The following CPNE8 variants were observed in gnomAD, a reference collection of about 807,000 sequenced individuals.
The protein encoded by CPNE8 is copine 8, also known as copine-8.
A neutral mutation model predicts 81.5 loss-of-function variants in CPNE8; 45 were observed. The ratio of observed to expected loss-of-function variants is 0.55; its 90% CI spans 0.44 to 0.71. The LOEUF (loss-of-function observed/expected upper bound fraction) is 0.71. CPNE8 is among the 30% of genes least tolerant of loss of function. CPNE8 has a pLI of 0.00. For synonymous variants in CPNE8, 252 were observed against 226.3 expected, an observed-to-expected ratio of 1.11 and a Z score of -1.02; for missense variants, 594 against 672.1, an observed-to-expected ratio of 0.88 and a Z score of 1.28.
At chr12:38,760,298 G>GA (rs1187576862) in intron 10 of CPNE8, among the ~76,000 whole-genome samples, 3 of 151,264 alleles carry the variant, frequency 2.0e-5, no homozygotes, top group Admixed American at 6.6e-5. Flanking sequence ...GCTTAAAAAA[G>GA]AAAAAAATGA....
intron 10 of CPNE8, 34 bp downstream of exon 10, chr12:38,760,813 C>A: frequency 6.5e-7 from 1 of 1,532,994 alleles, no homozygotes; most frequent in Non-Finnish European, 9.0e-7. Context: ...AAAGTACACC[C>A]AGTTCAAGAG....
intron 11 of CPNE8, among the ~76,000 whole-genome samples, chr12:38,725,844 A>C (rs958523635): frequency 6.6e-6 from 1 of 151,798 alleles, no homozygotes; most frequent in Admixed American, 6.6e-5. Context: ...GTGTTAATTT[A>C]GTTGATGTTT....
At chr12:38,732,963 G>A (rs915499465) in intron 10 of CPNE8, among the ~76,000 whole-genome samples, 9 of 152,058 alleles carry the variant, frequency 5.9e-5, no homozygotes, top group South Asian at 2.1e-4. Flanking sequence ...ATCACATATT[G>A]CATTTCAGCC....
At chr12:38,744,933 C>T (rs1248235175) in intron 10 of CPNE8, among the ~76,000 whole-genome samples, 2 of 152,176 alleles carry the variant, frequency 1.3e-5, no homozygotes, top group Non-Finnish European at 2.9e-5. Flanking sequence ...TAATGACCTC[C>T]ATAATCTTGA....
At chr12:38,893,745 T>C (rs1944345756) in intron 1 of CPNE8, among the ~76,000 whole-genome samples, 1 of 152,204 alleles carries the variant, frequency 6.6e-6, no homozygotes, top group Non-Finnish European at 1.5e-5. Flanking sequence ...TTACTTTTTC[T>C]TCACAAACCT....
chr12:38,902,310 A>G (rs1944480206), intron 1 of CPNE8, among the ~76,000 whole-genome samples: 1 of 35,668 alleles, frequency 2.8e-5, no homozygotes, highest in African/African-American at 1.7e-4. Flanking sequence ...GAAGGAAGGA[A>G]GGAAGGAAAG....
intron 19 of CPNE8, among the ~76,000 whole-genome samples, chr12:38,661,458 G>A (rs992820134): frequency 1.3e-5 from 2 of 152,036 alleles, no homozygotes; most frequent in African/African-American, 4.8e-5. Flanking sequence ...GGGCCTGTTG[G>A]GGGTGGGGGA....
chr12:38,792,402 T>C (rs1421003357), intron 6 of CPNE8, among the ~76,000 whole-genome samples: 1 of 149,628 alleles, frequency 6.7e-6, no homozygotes, highest in Non-Finnish European at 1.5e-5. Context: ...GAGGGGACAA[T>C]ACAACTGATG....
chr12:38,896,545 T>C (rs1258086106), intron 1 of CPNE8, among the ~76,000 whole-genome samples: 1 of 152,108 alleles, frequency 6.6e-6, no homozygotes, highest in Non-Finnish European at 1.5e-5. Flanking sequence ...AAAACAGCTG[T>C]CTTAAATATC....
chr12:38,847,937 A>G (rs1051452810), intron 4 of CPNE8, among the ~76,000 whole-genome samples: 2 of 152,074 alleles, frequency 1.3e-5, no homozygotes, highest in Non-Finnish European at 2.9e-5. Flanking sequence ...TTTCCTTTTA[A>G]CCATATCCAG....
chr12:38,794,243 C>T (rs1942400358), intron 6 of CPNE8, among the ~76,000 whole-genome samples: 1 of 151,974 alleles, frequency 6.6e-6, no homozygotes, highest in East Asian at 1.9e-4. Context: ...AAAGGACATG[C>T]TCAACAGGGT....
chr12:38,736,385 G>C (rs1222285243), intron 10 of CPNE8, among the ~76,000 whole-genome samples: 1 of 151,694 alleles, frequency 6.6e-6, no homozygotes. Context: ...CATTTTCTAA[G>C]ATGAAGATAA....
rs35534366 is a variant in CPNE8 at position 38,864,057 on chromosome 12, C to CA, written c.186+8946dup. 7.7e-3 allele frequency among the ~76,000 whole-genome samples: 690 copies of CA among 89,830 alleles called. 1 individual carries two copies. The highest frequency in any genetic ancestry group is 0.016 in the East Asian group (42 of 2,650). 58.9% of individuals were successfully genotyped at this position (89,830 alleles called of 152,430 possible). A position where few individuals can be genotyped will look rare whatever the true frequency, so the allele number is the denominator to read the frequency against. ...CGACAGAGCGAGACTTCATCTCTCA[C>CA]AAAAAAAAAAAAAAAAGAAAAAAGA... On this transcript the variant is annotated intron_variant, in intron 3 of 19. Coordinates refer to ENST00000331366, the MANE Select transcript of CPNE8 (RefSeq NM_153634.3).
intron 7 of CPNE8, among the ~76,000 whole-genome samples, chr12:38,774,384 T>C (rs10876062): frequency 0.054 from 8,284 of 152,214 alleles, 527 homozygotes; most frequent in East Asian, 0.37. Context: ...AAAACATATA[T>C]TATTTGAAAC....
At chr12:38,902,326 AAGAAAG>A (rs1246483694) in intron 1 of CPNE8, among the ~76,000 whole-genome samples, 6 of 67,332 alleles carry the variant, frequency 8.9e-5, no homozygotes, top group Non-Finnish European at 1.3e-4. Flanking sequence ...GAAAGAAAGA[AAGAAAG>A]AAAGAAAGAA....
chr12:38,796,929 G>A (rs572464188), intron 6 of CPNE8, among the ~76,000 whole-genome samples: 3 of 152,318 alleles, frequency 2.0e-5, no homozygotes, highest in Admixed American at 2.0e-4. Flanking sequence ...TACGTCCATG[G>A]AGTCTCGCTG....
upstream of CPNE8, chr12:38,906,629 G>C: frequency 1.0e-6 from 1 of 985,010 alleles, no homozygotes; most frequent in Non-Finnish European, 1.2e-6. Context: ...CGCTGCGTTT[G>C]GGAAACTGCA....
intron 1 of CPNE8, among the ~76,000 whole-genome samples, chr12:38,885,005 A>C (rs758109970): frequency 3.9e-5 from 6 of 152,176 alleles, no homozygotes; most frequent in Non-Finnish European, 2.9e-5. Flanking sequence ...GAAATATTTT[A>C]AAGTAAATTA....
At chr12:38,872,395 G>C (rs779541470) in intron 3 of CPNE8, among the ~76,000 whole-genome samples, 47 of 152,126 alleles carry the variant, frequency 3.1e-4, no homozygotes, top group Non-Finnish European at 5.9e-4. Context: ...TTAAAACAAT[G>C]CACTAACTTC....
Sources: allele counts gnomAD v4.1 joint callset (sites outside exome capture counted in the v4.1 genomes callset), GRCh38; gene constraint gnomAD v4.1.1; transcripts MANE v1.5; gene names NCBI Gene and HGNC (gene_info 2026-07-23, HGNC 2026-07-21).